SORCS1: variants seen among roughly 807,000 people sequenced by gnomAD.
SORCS1 encodes the protein VPS10 domain-containing receptor SorCS1.
SORCS1 carries 60 observed loss-of-function variants against 146.1 expected under a neutral mutation model. That is an observed-to-expected ratio of 0.41 (90% CI 0.33 to 0.51). SORCS1 has a LOEUF of 0.51. SORCS1 is among the 20% of genes least tolerant of loss of function. The pLI, the probability that SORCS1 is intolerant of heterozygous loss-of-function variation, is 0.21. For synonymous variants in SORCS1, 637 were observed against 584.0 expected, an observed-to-expected ratio of 1.09 and a Z score of -1.31; for missense variants, 1,352 against 1,487.6, an observed-to-expected ratio of 0.91 and a Z score of 1.50.
At chr10:107,139,929 G>A (rs889708680) in intron 1 of SORCS1, among the ~76,000 whole-genome samples, 2 of 152,184 alleles carry the variant, frequency 1.3e-5, no homozygotes, top group East Asian at 3.9e-4. Flanking sequence ...AAATTGAGAT[G>A]TAGAGTGTTT....
intron 1 of SORCS1, among the ~76,000 whole-genome samples, chr10:106,983,500 C>A (rs1956326573): frequency 6.6e-6 from 1 of 151,976 alleles, no homozygotes. Context: ...ACAATGAGGA[C>A]CCTATCAGCC....
intron 1 of SORCS1, among the ~76,000 whole-genome samples, chr10:107,118,446 T>C (rs1966182257): frequency 6.6e-6 from 1 of 152,246 alleles, no homozygotes; most frequent in Non-Finnish European, 1.5e-5. Context: ...ATCAGTTGAA[T>C]GGGATCATAT....
rs182219414 is a variant in SORCS1 at position 106,754,971 on chromosome 10, C to T, written c.959+6617G>A. ...CTATTTTTAATTAAGTGAAACAGCC[C>T]CAAGATTGCATTGTCTTTTGCATAA... On this transcript the variant is annotated intron_variant, in intron 5 of 25. Transcript: ENST00000263054. 3.4e-3 allele frequency among the ~76,000 whole-genome samples: 519 copies of T among 152,192 alleles called. 8 individuals carry two copies. The highest frequency in any genetic ancestry group is 0.012 in the African/African-American group (500 of 41,518).
chr10:107,138,672 G>A (rs1339901646), intron 1 of SORCS1, among the ~76,000 whole-genome samples: 1 of 152,158 alleles, frequency 6.6e-6, no homozygotes, highest in Non-Finnish European at 1.5e-5. Flanking sequence ...AGATTTTCAA[G>A]GCAATTTAAT....
chr10:106,715,427 A>C (rs926084233), intron 6 of SORCS1, among the ~76,000 whole-genome samples: 3 of 152,350 alleles, frequency 2.0e-5, no homozygotes, highest in Admixed American at 2.0e-4. Context: ...GTTCTAGAGA[A>C]GGGAAGCTGC....
At chr10:106,838,361 A>G (rs1341650368) in intron 2 of SORCS1, among the ~76,000 whole-genome samples, 1 of 152,206 alleles carries the variant, frequency 6.6e-6, no homozygotes, top group Non-Finnish European at 1.5e-5. Flanking sequence ...CTACACATGC[A>G]TAGCTTTCCC....
At chr10:106,616,389 T>C (rs1049323168) in intron 21 of SORCS1, among the ~76,000 whole-genome samples, 2 of 152,276 alleles carry the variant, frequency 1.3e-5, no homozygotes, top group East Asian at 3.9e-4. Context: ...TGAGTCTAGA[T>C]GGGTTGGGTT....
chr10:106,965,182 A>G (rs1955441939), intron 1 of SORCS1, among the ~76,000 whole-genome samples: 1 of 151,890 alleles, frequency 6.6e-6, no homozygotes, highest in Non-Finnish European at 1.5e-5. Context: ...TCTTTTCATC[A>G]CCTGAAGATG....
chr10:106,804,824 A>C (rs1262452944), intron 3 of SORCS1, among the ~76,000 whole-genome samples: 2 of 152,208 alleles, frequency 1.3e-5, no homozygotes, highest in Non-Finnish European at 2.9e-5. Context: ...AGGTGGTCCC[A>C]AAAAGAATAT....
intron 3 of SORCS1, among the ~76,000 whole-genome samples, chr10:106,806,028 C>T (rs1306273679): frequency 2.2e-5 from 3 of 137,266 alleles, no homozygotes; most frequent in Non-Finnish European, 3.1e-5. Flanking sequence ...CCACTGCACT[C>T]TAGCCTGGAC....
intron 5 of SORCS1, among the ~76,000 whole-genome samples, chr10:106,748,316 T>C (rs1180616587): frequency 1.3e-5 from 2 of 152,214 alleles, no homozygotes; most frequent in Non-Finnish European, 2.9e-5. Flanking sequence ...GATTATAACA[T>C]CTGTTACGGC....
intron 2 of SORCS1, among the ~76,000 whole-genome samples, chr10:106,830,592 TAA>T (rs142485362): frequency 2.4e-3 from 351 of 146,134 alleles, no homozygotes; most frequent in Middle Eastern, 7.2e-3. Flanking sequence ...TTTTTTTTTT[TAA>T]AAAAATTTAA....
chr10:106,699,234 T>C lies in SORCS1; in HGVS notation c.1393A>G (p.Ile465Val). The change falls in exon 9 of 26, where the codon ATC becomes GTC. Residue 465 changes from isoleucine (I) to valine (V), a missense_variant. Physicochemically the swap from Ile to Val is conservative, Grantham distance 29. Transcript: ENST00000263054. ...CATACCTCATAGAGGTCGATCATGA[T>C]GTTGCCCTCAGGGCCTCTGCTGCTC... is the stretch of plus-strand genomic sequence containing the variant. ...VQSSRGPEGNIMIDLYEVAGI... is the reference protein window; with the variant it reads ...VQSSRGPEGNVMIDLYEVAGI... 1 of 1,613,286 alleles carries C rather than the reference T, an allele frequency of 6.2e-7. No individual in the cohort carries two copies. Among genetic ancestry groups the C allele is most frequent in the Non-Finnish European group, 8.5e-7 (1 of 1,179,540 alleles).
At chr10:106,627,921 C>G (rs1411540820) in intron 19 of SORCS1, among the ~76,000 whole-genome samples, 1 of 152,206 alleles carries the variant, frequency 6.6e-6, no homozygotes, top group African/African-American at 2.4e-5. Flanking sequence ...CCACTTCAAA[C>G]AAGTAACTTA....
chr10:106,706,692 C>T (rs1394902284), intron 7 of SORCS1, 58 bp from the exon 8 acceptor site: 1 of 1,499,048 alleles, frequency 6.7e-7, no homozygotes, highest in Admixed American at 1.7e-5. Flanking sequence ...GCACAGGTCA[C>T]AGAACAGTCA....
At position 106,824,215 on chromosome 10, in the gene SORCS1, G is replaced by A. The variant is rs536784802; in HGVS notation, c.726+5359C>T. 1.4e-3 allele frequency among the ~76,000 whole-genome samples: 212 copies of A among 150,432 alleles called. 1 individual carries two copies. Among genetic ancestry groups the A allele is most frequent in the Non-Finnish European group, 2.4e-3 (164 of 67,692 alleles). ...GCTACTCAGGAGGCTGAGGCAGAAG[G>A]ATTGCTTCAACTCAGGAGGCGGAGG... is the stretch of plus-strand genomic sequence containing the variant. On this transcript the variant is annotated intron_variant, in intron 3 of 25. Coordinates refer to ENST00000263054, the MANE Select transcript of SORCS1 (RefSeq NM_052918.5).
intron 2 of SORCS1, among the ~76,000 whole-genome samples, chr10:106,913,724 A>T (rs1952275806): frequency 6.6e-6 from 1 of 152,212 alleles, no homozygotes; most frequent in Non-Finnish European, 1.5e-5. Flanking sequence ...TCATAACTTC[A>T]CACAGAAAGA....
chr10:106,976,211 GT>G (rs751512315), intron 1 of SORCS1, among the ~76,000 whole-genome samples: 2,978 of 134,194 alleles, frequency 0.022, 69 homozygotes, highest in African/African-American at 0.073. Context: ...TGCTTCATCT[GT>G]TTTTTTTTTT....
At chr10:107,078,563 C>T (rs1402442022) in intron 1 of SORCS1, among the ~76,000 whole-genome samples, 1 of 152,154 alleles carries the variant, frequency 6.6e-6, no homozygotes, top group Admixed American at 6.5e-5. Flanking sequence ...CTGGACACAC[C>T]TCTTCCATTC....
Sources: gnomAD v4.1 joint callset for allele counts (sites outside exome capture counted in the v4.1 genomes callset) on GRCh38, gnomAD v4.1.1 for gene constraint, MANE v1.5 for transcripts, NCBI Gene and HGNC (gene_info 2026-07-23, HGNC 2026-07-21) for gene names.